The following STAG1 variants were observed in gnomAD, a reference collection of about 807,000 sequenced individuals.
STAG1 encodes STAG1 cohesin complex component.
In STAG1, 26 loss-of-function variants were observed where a neutral mutation model predicts 170.9. The observed-to-expected ratio is 0.15, with a 90% CI of 0.11 to 0.21. The LOEUF is 0.21. Among genes scored for constraint, STAG1 ranks in the 10% least tolerant of loss-of-function variants. STAG1 has a pLI of 1.00. For synonymous variants in STAG1, 514 were observed against 497.7 expected, an observed-to-expected ratio of 1.03 and a Z score of -0.44; for missense variants, 964 against 1,509.5, an observed-to-expected ratio of 0.64 and a Z score of 5.99.
At chr3:136,691,759 G>C (rs563234564) in intron 1 of STAG1, among the ~76,000 whole-genome samples, 1 of 152,272 alleles carries the variant, frequency 6.6e-6, no homozygotes, top group African/African-American at 2.4e-5. Context: ...TTCGCAGCTA[G>C]ATGTTTTAAT....
At chr3:136,591,240 G>GA (rs1180932489) in intron 4 of STAG1, among the ~76,000 whole-genome samples, 1 of 147,236 alleles carries the variant, frequency 6.8e-6, no homozygotes, top group Non-Finnish European at 1.5e-5. Context: ...AAGAAGGGAG[G>GA]GAGGGAGGGA....
intron 21 of STAG1, among the ~76,000 whole-genome samples, chr3:136,404,661 C>A (rs938509856): frequency 6.6e-6 from 1 of 152,104 alleles, no homozygotes; most frequent in Non-Finnish European, 1.5e-5. Context: ...AAGAACTATA[C>A]CTTTTTATCT....
chr3:136,676,593 G>T (rs1158356151), intron 1 of STAG1, among the ~76,000 whole-genome samples: 2 of 152,076 alleles, frequency 1.3e-5, no homozygotes, highest in Non-Finnish European at 2.9e-5. Context: ...CTAAAGGCAT[G>T]TGCCACCATA....
intron 1 of STAG1, among the ~76,000 whole-genome samples, chr3:136,657,485 C>T (rs1941427052): frequency 6.6e-6 from 1 of 152,150 alleles, no homozygotes; most frequent in Non-Finnish European, 1.5e-5. Flanking sequence ...CCACCACACC[C>T]AGCCATCCTA....
chr3:136,708,006 G>C (rs1266398132), intron 1 of STAG1, among the ~76,000 whole-genome samples: 17 of 152,268 alleles, frequency 1.1e-4, no homozygotes, highest in African/African-American at 3.6e-4. Flanking sequence ...GCAAGTGTTA[G>C]CAAGGATGTG....
In STAG1 at chr3:136,442,050, T is replaced by A. The variant is rs1331014246; in HGVS notation, c.1546+1237A>T. On this transcript the variant is annotated intron_variant, in intron 15 of 33. Transcript: ENST00000383202. ...CTGTCTCTAATAAAAGTACAAAAAT[T>A]AGCTGGGCATGATGGCATGTGCCTG... Among the ~76,000 whole-genome samples the A allele has an allele frequency of 2.0e-5, 3 of 152,100 alleles. No individual in the cohort carries two copies. In the East Asian group the frequency reaches 5.8e-4, roughly 29 times the overall value.
chr3:136,506,719 GA>G (rs1340609164), intron 7 of STAG1, among the ~76,000 whole-genome samples: 1 of 151,790 alleles, frequency 6.6e-6, no homozygotes, highest in Non-Finnish European at 1.5e-5. Flanking sequence ...TACAATGAAG[GA>G]AATGAGATAA....
intron 4 of STAG1, among the ~76,000 whole-genome samples, chr3:136,577,356 C>G (rs1181595521): frequency 6.6e-6 from 1 of 152,180 alleles, no homozygotes; most frequent in Non-Finnish European, 1.5e-5. Context: ...GAGGCAATAA[C>G]AGTTTAATTC....
intron 1 of STAG1, among the ~76,000 whole-genome samples, chr3:136,720,146 AG>A (rs1476389585): frequency 6.6e-6 from 1 of 151,034 alleles, no homozygotes; most frequent in Non-Finnish European, 1.5e-5. Context: ...ATTGCACTCC[AG>A]CCTGGGCAAC....
chr3:136,708,964 T>G (rs1436735558), intron 1 of STAG1, among the ~76,000 whole-genome samples: 1 of 119,630 alleles, frequency 8.4e-6, no homozygotes, highest in Non-Finnish European at 1.8e-5. Context: ...CCACTGCAGC[T>G]GGCTTTTTTT....
At chr3:136,507,318 A>G (rs113081771) in intron 7 of STAG1, among the ~76,000 whole-genome samples, 177 of 152,354 alleles carry the variant, frequency 1.2e-3, no homozygotes, top group African/African-American at 2.5e-3. Context: ...TTTGAAGGTC[A>G]GAGACAGGGG....
intron 6 of STAG1, among the ~76,000 whole-genome samples, chr3:136,521,734 T>C (rs551241842): frequency 6.6e-6 from 1 of 152,130 alleles, no homozygotes; most frequent in African/African-American, 2.4e-5. Flanking sequence ...GTAAAAAAAA[T>C]TTTTTAAAGT....
chr3:136,695,328 T>A (rs1942851620), intron 1 of STAG1, among the ~76,000 whole-genome samples: 1 of 151,772 alleles, frequency 6.6e-6, no homozygotes, highest in South Asian at 2.1e-4. Context: ...TCCCAGCTAC[T>A]CAGGAGGTTG....
At chr3:136,373,632 G>T (rs1937465647) in intron 23 of STAG1, among the ~76,000 whole-genome samples, 2 of 152,146 alleles carry the variant, frequency 1.3e-5, no homozygotes, top group African/African-American at 4.8e-5. Context: ...GGAGCAGGTT[G>T]TTCGGTTTCC....
intron 9 of STAG1, among the ~76,000 whole-genome samples, chr3:136,487,675 TCA>T (rs1336932619): frequency 1.3e-5 from 2 of 152,178 alleles, no homozygotes; most frequent in Non-Finnish European, 2.9e-5. Context: ...ATGTGAATAA[TCA>T]CAGACTAGAC....
chr3:136,651,233 G>A (rs561348657), intron 1 of STAG1, among the ~76,000 whole-genome samples: 6 of 151,932 alleles, frequency 3.9e-5, no homozygotes, highest in African/African-American at 1.5e-4. Flanking sequence ...CACTGTAGTG[G>A]TGCCTGCCTG....
intron 1 of STAG1, chr3:136,736,687 G>T (rs1023521671): frequency 3.1e-6 from 5 of 1,603,748 alleles, no homozygotes; most frequent in Non-Finnish European, 4.3e-6. Flanking sequence ...CCCCTTTGTC[G>T]TTTCCTTTCA....
At chr3:136,623,885 G>A (rs1939972467) in intron 2 of STAG1, among the ~76,000 whole-genome samples, 1 of 152,006 alleles carries the variant, frequency 6.6e-6, no homozygotes, top group Admixed American at 6.6e-5. Context: ...AACCCGCGGA[G>A]GTTGCAGTGA....
Position 136,739,503 on chromosome 3 carries a change from C to CAAAA in STAG1, c.-84+12688_-84+12691dup, listed in dbSNP as rs1165327249. Among the ~76,000 whole-genome samples, 245 of 45,428 alleles carry CAAAA rather than the reference C, an allele frequency of 5.4e-3. 1 individual carries two copies. The highest frequency in any genetic ancestry group is 7.8e-3 in the Non-Finnish European group (176 of 22,516). The allele number at this position is 45,428 out of a possible 152,430, so 29.8% of individuals were successfully genotyped here. ...TCCAGCATGGGGCAACAGACTCCGTCAAAAAAAAAAAAAAAAGAAAAAAAA... is the reference window on the plus strand; with the variant it reads ...TCCAGCATGGGGCAACAGACTCCGTCAAAAAAAAAAAAAAAAAAAAGAAAAAAAA... On this transcript the variant is annotated intron_variant, in intron 1 of 33. Transcript: ENST00000383202.
Sources: gnomAD v4.1 joint callset for allele counts (sites outside exome capture counted in the v4.1 genomes callset) on GRCh38, gnomAD v4.1.1 for gene constraint, MANE v1.5 for transcripts, NCBI Gene and HGNC (gene_info 2026-07-23, HGNC 2026-07-21) for gene names.